The following GRID1 variants were observed in gnomAD, a reference collection of about 807,000 sequenced individuals.
GRID1 encodes glutamate receptor ionotropic, delta-1.
Under a neutral mutation model 98.0 loss-of-function variants are expected in GRID1, and 28 were observed. The ratio of observed to expected loss-of-function variants is 0.29; its 90% confidence interval spans 0.21 to 0.39. The LOEUF (loss-of-function observed/expected upper bound fraction) is 0.39, where lower values mean the gene tolerates loss of function less well. Among genes scored for constraint, GRID1 ranks in the 10% least tolerant of loss-of-function variants. The pLI is 1.00. For synonymous variants in GRID1, 553 were observed against 538.5 expected (o/e 1.03, Z -0.37); for missense variants, 1,111 against 1,340.5 (o/e 0.83, Z 2.67).
At chr10:85,750,976 G>A (rs1842040526) in intron 8 of GRID1, among the ~76,000 whole-genome samples, 1 of 152,204 alleles carries the variant, frequency 6.6e-6, no homozygotes, top group African/African-American at 2.4e-5. Flanking sequence ...CACAATGTTG[G>A]ATAGTAATTG....
chr10:86,003,343 C>G (rs1842822697), intron 4 of GRID1, among the ~76,000 whole-genome samples: 1 of 152,254 alleles, frequency 6.6e-6, no homozygotes, highest in South Asian at 2.1e-4. Flanking sequence ...GCCCATGAGG[C>G]AGCTGACAGC....
chr10:85,620,039 A>G lies in GRID1; in HGVS notation c.2194-6T>C. ...GCGTAGTTCCCCTTCTTTGCCTGAA[A>G]GATCAAAATTACCATGAAGTCAGGC... On this transcript the variant is annotated splice_polypyrimidine_tract_variant and splice_region_variant and intron_variant, in intron 13 of 15. Transcript: ENST00000327946. 9 of 1,612,936 alleles carry G rather than the reference A, an allele frequency of 5.6e-6. No individual in the cohort carries two copies. Among genetic ancestry groups the G allele is most frequent in the Non-Finnish European group, 7.6e-6 (9 of 1,178,966 alleles).
intron 2 of GRID1, among the ~76,000 whole-genome samples, chr10:86,284,318 C>A (rs147780216): frequency 6.6e-6 from 1 of 152,154 alleles, no homozygotes; most frequent in African/African-American, 2.4e-5. Flanking sequence ...ACACAGCCCA[C>A]CCTTGTCTGG....
At chr10:85,649,341 G>A (rs1321121555) in intron 12 of GRID1, among the ~76,000 whole-genome samples, 1 of 152,166 alleles carries the variant, frequency 6.6e-6, no homozygotes. Context: ...CAGATGAAAG[G>A]AAACATAAAA....
At chr10:85,741,105 A>G (rs1248146209) in intron 8 of GRID1, among the ~76,000 whole-genome samples, 2 of 152,134 alleles carry the variant, frequency 1.3e-5, no homozygotes, top group Non-Finnish European at 2.9e-5. Context: ...TGATTTGCTC[A>G]ATAAAATCTT....
At chr10:86,330,649 C>A (rs1422960252) in intron 2 of GRID1, among the ~76,000 whole-genome samples, 1 of 152,232 alleles carries the variant, frequency 6.6e-6, no homozygotes, top group African/African-American at 2.4e-5. Flanking sequence ...CCAAGATCAC[C>A]TTCATACTTT....
chr10:86,348,989 T>C (rs1848427702), intron 2 of GRID1, among the ~76,000 whole-genome samples: 1 of 152,220 alleles, frequency 6.6e-6, no homozygotes, highest in South Asian at 2.1e-4. Flanking sequence ...TCCTGCTTCC[T>C]CAGAGGCCCG....
intron 2 of GRID1, among the ~76,000 whole-genome samples, chr10:86,337,926 T>C (rs1848249595): frequency 1.3e-5 from 2 of 152,162 alleles, no homozygotes; most frequent in South Asian, 4.1e-4. Flanking sequence ...CAGGCTGGTC[T>C]CAAACCCCTG....
At chr10:85,954,174 A>C (rs1315935065) in intron 4 of GRID1, among the ~76,000 whole-genome samples, 3 of 152,234 alleles carry the variant, frequency 2.0e-5, no homozygotes, top group African/African-American at 7.2e-5. Flanking sequence ...CTGGTCCCAG[A>C]AAACAACATC....
intron 13 of GRID1, among the ~76,000 whole-genome samples, chr10:85,624,059 T>C (rs1842884672): frequency 6.6e-6 from 1 of 152,158 alleles, no homozygotes. Flanking sequence ...TCTTCCTGTA[T>C]CTCCCAGTAC....
intron 4 of GRID1, among the ~76,000 whole-genome samples, chr10:86,030,076 A>G (rs1265227485): frequency 6.6e-6 from 1 of 152,226 alleles, no homozygotes; most frequent in Non-Finnish European, 1.5e-5. Context: ...TAAAGAAGGG[A>G]TAATAGTTAC....
intron 4 of GRID1, among the ~76,000 whole-genome samples, chr10:86,018,173 C>G (rs998490187): frequency 6.6e-6 from 1 of 152,242 alleles, no homozygotes; most frequent in Admixed American, 6.5e-5. Flanking sequence ...AGGGGTGATC[C>G]GGCCCTGGGC....
At chr10:86,204,128 T>C (rs967457639) in intron 3 of GRID1, among the ~76,000 whole-genome samples, 4 of 152,156 alleles carry the variant, frequency 2.6e-5, no homozygotes, top group African/African-American at 9.7e-5. Flanking sequence ...TGGGGGAGTG[T>C]GACTGTAGAA....
chr10:85,708,072 C>A (rs2132632245), intron 12 of GRID1, among the ~76,000 whole-genome samples: 1 of 151,044 alleles, frequency 6.6e-6, no homozygotes, highest in Non-Finnish European at 1.5e-5. Context: ...ATATAACAAA[C>A]CTGCACGTTG....
intron 12 of GRID1, among the ~76,000 whole-genome samples, chr10:85,701,343 G>A (rs1841449309): frequency 6.6e-6 from 1 of 151,680 alleles, no homozygotes. Flanking sequence ...CTGAACAATA[G>A]TAATTTGTCA....
intron 13 of GRID1, among the ~76,000 whole-genome samples, chr10:85,636,408 T>C (rs1034785492): frequency 1.3e-5 from 2 of 152,198 alleles, no homozygotes; most frequent in East Asian, 1.9e-4. Context: ...CAGAAATCTA[T>C]ATTTAAGGAA....
At position 85,613,459 on chromosome 10, in the gene GRID1, G is replaced by A. The variant is rs1336729144; in HGVS notation, c.2549C>T (p.Ala850Val). The change falls in exon 15 of 16, where the codon GCC (alanine) becomes GTC (valine). Residue 850 changes from alanine (A) to valine (V), a missense_variant. Physicochemically the swap from Ala to Val is moderately conservative, Grantham distance 64 (BLOSUM62 0). Around this residue, in one of 3 missense-constraint regions of GRID1, gnomAD observed 762 missense variants for 869.1 expected, o/e 0.88. Coordinates refer to ENST00000327946, the MANE Select transcript of GRID1 (RefSeq NM_017551.3). ...IGLLLACLVA[A>V]LELWWNSNRC... Reference sequence around the variant, plus strand: ...GTTGCTGTTCCACCACAACTCCAGGGCAGCCACCAGGCAGGCCAGGAGCAG... The same window carrying A: ...GTTGCTGTTCCACCACAACTCCAGGACAGCCACCAGGCAGGCCAGGAGCAG... The A allele has an allele frequency of 1.2e-6, 2 of 1,613,932 alleles. No homozygotes were observed. Among genetic ancestry groups the A allele is most frequent in the South Asian group, 2.2e-5 (2 of 91,066 alleles).
At chr10:86,074,558 A>G (rs1170092994) in intron 4 of GRID1, among the ~76,000 whole-genome samples, 1 of 152,218 alleles carries the variant, frequency 6.6e-6, no homozygotes, top group Non-Finnish European at 1.5e-5. Flanking sequence ...GCTGATTAAT[A>G]GTCCACTGAG....
chr10:85,779,071 G>A (rs1242795668), intron 8 of GRID1, among the ~76,000 whole-genome samples: 3 of 152,228 alleles, frequency 2.0e-5, no homozygotes, highest in Non-Finnish European at 4.4e-5. Context: ...AATGTCTTCA[G>A]TGAAGTTAAA....
Sources: gnomAD v4.1 joint callset for allele counts (sites outside exome capture counted in the v4.1 genomes callset) on GRCh38, gnomAD v4.1.1 for gene constraint, gnomAD v4.1.1 regional missense constraint, MANE v1.5 for transcripts, NCBI Gene and HGNC (gene_info 2026-07-23, HGNC 2026-07-21) for gene names.